The following GRIK4 variants were observed in gnomAD, a reference collection of about 807,000 sequenced individuals.
The protein encoded by GRIK4 is glutamate ionotropic receptor kainate type subunit 4.
GRIK4 carries 40 observed loss-of-function variants against 104.9 expected under a neutral mutation model. The ratio of observed to expected loss-of-function variants is 0.38; its 90% CI spans 0.30 to 0.50. The LOEUF (loss-of-function observed/expected upper bound fraction) is 0.50, where lower values mean the gene tolerates loss of function less well. Ranked by LOEUF, GRIK4 falls within the 20% of genes least tolerant of loss-of-function variation. The probability of loss-of-function intolerance (pLI) is 0.93; values close to 1 mark genes in which losing one functional copy is unlikely to be tolerated. For missense variants in GRIK4, 1,047 were observed against 1,308.1 expected, an observed-to-expected ratio of 0.80 and a Z score of 3.08; for synonymous variants, 485 against 524.9, an observed-to-expected ratio of 0.92 and a Z score of 1.04.
intron 1 of GRIK4, among the ~76,000 whole-genome samples, chr11:120,620,971 A>G (rs868626943): frequency 7.2e-5 from 11 of 152,212 alleles, no homozygotes; most frequent in African/African-American, 2.4e-4. Flanking sequence ...TCATGCAGCA[A>G]CAAAGTGGAA....
At chr11:120,972,721 T>C (rs1187352534) in intron 19 of GRIK4, among the ~76,000 whole-genome samples, 2 of 152,158 alleles carry the variant, frequency 1.3e-5, no homozygotes, top group Non-Finnish European at 2.9e-5. Context: ...AATAGATTTT[T>C]ACTTGTGCAG....
At chr11:120,583,180 G>T (rs577687593) in intron 1 of GRIK4, among the ~76,000 whole-genome samples, 5 of 152,158 alleles carry the variant, frequency 3.3e-5, no homozygotes, top group African/African-American at 1.2e-4. Context: ...GATGTCCTTT[G>T]CCCACTTTTT....
At chr11:120,647,724 G>A (rs534692016) in intron 1 of GRIK4, among the ~76,000 whole-genome samples, 2 of 152,398 alleles carry the variant, frequency 1.3e-5, no homozygotes, top group African/African-American at 4.8e-5. Context: ...CTGCCTTCCA[G>A]CACTGTTCCT....
rs560503570 is a variant in GRIK4, at chr11:120,666,057, G to A, written c.82+5657G>A. On this transcript the variant is annotated intron_variant, in intron 3 of 20. Transcript: ENST00000527524. The stretch of plus-strand genomic sequence containing the variant: ...TTCCGTTTTACAGATAAGAAATCCC[G>A]GGGTCCCAAAAGGTGAAAGGAATTG... Among the ~76,000 whole-genome samples, 62 of 152,302 alleles carry A rather than the reference G, an allele frequency of 4.1e-4. 1 individual carries two copies. In the South Asian group the frequency reaches 8.9e-3, roughly 22 times the overall value.
At chr11:120,785,169 T>C (rs1952240645) in intron 3 of GRIK4, among the ~76,000 whole-genome samples, 1 of 152,138 alleles carries the variant, frequency 6.6e-6, no homozygotes, top group Non-Finnish European at 1.5e-5. Flanking sequence ...AGCCCACTGT[T>C]CCTTTCCTCC....
intron 14 of GRIK4, among the ~76,000 whole-genome samples, chr11:120,945,612 A>C (rs537595743): frequency 6.6e-6 from 1 of 152,320 alleles, no homozygotes; most frequent in African/African-American, 2.4e-5. Context: ...AGGGAACCTT[A>C]CAGGGCCAGT....
rs1269482999 is a variant in GRIK4, at chr11:120,513,304, G to A, written c.-159+1417G>A. 6.6e-6 allele frequency among the ~76,000 whole-genome samples: 1 copy of A among 152,178 alleles called. No homozygotes were observed. Among genetic ancestry groups the A allele is most frequent in the Admixed American group, 6.5e-5 (1 of 15,276 alleles). On this transcript the variant is annotated intron_variant, in intron 1 of 20. Transcript: ENST00000527524. This position sits in a 1 kb window ranked among gnomAD's most constrained non-coding sequence, Gnocchi z 4.5. ...CTTCTAGGAGCACCGGGAAACTGCG[G>A]GCGTGGTATCTCCGGGGAGAGAGGC...
chr11:120,755,694 A>G (rs1483226970), intron 3 of GRIK4, among the ~76,000 whole-genome samples: 1 of 151,880 alleles, frequency 6.6e-6, no homozygotes, highest in Non-Finnish European at 1.5e-5. Flanking sequence ...TCAACAATGA[A>G]AACTATTTAG....
At chr11:120,802,428 A>G (rs1418004710) in intron 3 of GRIK4, among the ~76,000 whole-genome samples, 1 of 152,236 alleles carries the variant, frequency 6.6e-6, no homozygotes, top group African/African-American at 2.4e-5. Flanking sequence ...TCGTGCAGAC[A>G]GGACCCCTAG....
intron 8 of GRIK4, among the ~76,000 whole-genome samples, chr11:120,851,044 T>C (rs1163072235): frequency 6.6e-6 from 1 of 152,098 alleles, no homozygotes; most frequent in African/African-American, 2.4e-5. Flanking sequence ...CCTCCAGCCA[T>C]AGCTCATGTG....
In GRIK4 at chr11:120,676,914, C is replaced by T. The variant is rs80327769; in HGVS notation, c.82+16514C>T. On this transcript the variant is annotated intron_variant, in intron 3 of 20. Coordinates refer to ENST00000527524, the MANE Select transcript of GRIK4 (RefSeq NM_014619.5). Reference sequence around the variant, plus strand: ...GTTCTTGTAATGTGGGAGGCTAAGCCGCTGGAAAACCTTCTCATGAGCAGT... The same window carrying T: ...GTTCTTGTAATGTGGGAGGCTAAGCTGCTGGAAAACCTTCTCATGAGCAGT... Among the ~76,000 whole-genome samples, 422 of 152,296 alleles carry T rather than the reference C, an allele frequency of 2.8e-3. 2 individuals are homozygous for T. Among genetic ancestry groups the T allele is most frequent in the African/African-American group, 8.5e-3 (353 of 41,560 alleles).
At chr11:120,743,977 T>C (rs925343254) in intron 3 of GRIK4, among the ~76,000 whole-genome samples, 1 of 152,316 alleles carries the variant, frequency 6.6e-6, no homozygotes, top group East Asian at 1.9e-4. Flanking sequence ...GTGGGAGTCA[T>C]GCAGAGGGAA....
intron 1 of GRIK4, among the ~76,000 whole-genome samples, chr11:120,631,349 G>C (rs564624395): frequency 6.6e-6 from 1 of 152,142 alleles, no homozygotes; most frequent in Non-Finnish European, 1.5e-5. Context: ...CCTGAGTTTC[G>C]GCGTTTCTCA....
chr11:120,839,449 C>T (rs1300834427), intron 8 of GRIK4, among the ~76,000 whole-genome samples: 2 of 152,316 alleles, frequency 1.3e-5, no homozygotes, highest in African/African-American at 4.8e-5. Flanking sequence ...TGTAAGTGGA[C>T]ACTAATAGTA....
At chr11:120,753,513 A>G (rs1264194801) in intron 3 of GRIK4, among the ~76,000 whole-genome samples, 1 of 152,142 alleles carries the variant, frequency 6.6e-6, no homozygotes. Flanking sequence ...GCGTATCCCA[A>G]CAAGTCCTAT....
chr11:120,825,065 C>T (rs1953223255), intron 6 of GRIK4, among the ~76,000 whole-genome samples: 13 of 151,564 alleles, frequency 8.6e-5, no homozygotes, highest in Admixed American at 8.6e-4. Context: ...GCTGGGATTA[C>T]AGATGTGAGC....
chr11:120,953,012 A>T lies in GRIK4; in HGVS notation c.1700+48A>T, dbSNP rs2298724. ...GTCCTTACACCGCCACCTCGTGTCCACCTCTGGGAACTGCATGGGGAGGGG... is the reference window on the plus strand; with the variant it reads ...GTCCTTACACCGCCACCTCGTGTCCTCCTCTGGGAACTGCATGGGGAGGGG... On this transcript the variant is annotated intron_variant, in intron 15 of 20. Coordinates refer to ENST00000527524, the MANE Select transcript of GRIK4 (RefSeq NM_014619.5). The surrounding 1 kb of genome is among the most constrained non-coding windows in gnomAD (Gnocchi z 4.9). 1 of 1,095,122 alleles carries T rather than the reference A, an allele frequency of 9.1e-7. No homozygotes were observed. Among genetic ancestry groups the T allele is most frequent in the Non-Finnish European group, 1.4e-6 (1 of 717,960 alleles). The allele number at this position is 1,095,122 out of a possible 1,614,324, so 67.8% of individuals were successfully genotyped here.
intron 3 of GRIK4, among the ~76,000 whole-genome samples, chr11:120,784,445 C>T (rs182036544): frequency 6.6e-6 from 1 of 152,248 alleles, no homozygotes; most frequent in East Asian, 1.9e-4. Context: ...TTTTCTCCTG[C>T]TTGCTTTTTT....
At position 120,819,999 on chromosome 11, in the gene GRIK4, G is replaced by A; in HGVS notation, c.511+79G>A. On this transcript the variant is annotated intron_variant, in intron 6 of 20. Transcript: ENST00000527524. The surrounding 1 kb of genome is among the most constrained non-coding windows in gnomAD (Gnocchi z 4.3). ...CCCTGATTCCCTGTGCCCCTGGCTGGAGACCCTCCAGGAAGGGGAGGCTTC... is the reference window on the plus strand; with the variant it reads ...CCCTGATTCCCTGTGCCCCTGGCTGAAGACCCTCCAGGAAGGGGAGGCTTC... 1 of 1,421,776 alleles carries A rather than the reference G, an allele frequency of 7.0e-7. No individual in the cohort carries two copies. 88.1% of individuals were successfully genotyped at this position (1,421,776 alleles called of 1,614,324 possible). A position where few individuals can be genotyped will look rare whatever the true frequency, so the allele number is the denominator to read the frequency against.
Sources: allele counts gnomAD v4.1 joint callset (sites outside exome capture counted in the v4.1 genomes callset), GRCh38; gene constraint gnomAD v4.1.1; non-coding constraint Gnocchi (gnomAD v3.1); transcripts MANE v1.5; gene names NCBI Gene and HGNC (gene_info 2026-07-23, HGNC 2026-07-21).